KLF8: variants seen among roughly 807,000 people sequenced by gnomAD.
KLF8 encodes Krueppel-like factor 8.
KLF8 carries 10 observed loss-of-function variants against 18.2 expected under a neutral mutation model. The observed-to-expected ratio is 0.55, with a 90% CI of 0.34 to 0.93. The LOEUF (loss-of-function observed/expected upper bound fraction) is 0.93, where lower values mean the gene tolerates loss of function less well. KLF8 is among the 40% of genes least tolerant of loss of function. The probability of loss-of-function intolerance (pLI) is 0.02; values close to 1 mark genes in which losing one functional copy is unlikely to be tolerated. For synonymous variants in KLF8, 109 were observed against 97.3 expected, an observed-to-expected ratio of 1.12 and a Z score of -0.71; for missense variants, 264 against 277.9, an observed-to-expected ratio of 0.95 and a Z score of 0.36.
the KLF8 span, among the ~76,000 whole-genome samples, chrX:56,079,781 C>A: frequency 9.1e-6 from 1 of 109,763 alleles, no homozygotes; most frequent in African/African-American, 3.3e-5. Context: ...GTGTGGGAGT[C>A]TAAGTCTCTT....
chrX:56,043,948 C>G, the KLF8 span, among the ~76,000 whole-genome samples: 1 of 112,369 alleles, frequency 8.9e-6, no homozygotes, highest in African/African-American at 3.2e-5. Flanking sequence ...TATCTGCCTT[C>G]TATCTTTGAG....
chrX:56,024,737 A>G, the KLF8 span, among the ~76,000 whole-genome samples: 1 of 111,778 alleles, frequency 8.9e-6, no homozygotes, highest in Non-Finnish European at 1.9e-5. Flanking sequence ...CTTCCATACA[A>G]TGTCTGGAAT....
the KLF8 span, among the ~76,000 whole-genome samples, chrX:56,134,509 C>A: frequency 8.9e-6 from 1 of 111,785 alleles, no homozygotes; most frequent in Admixed American, 9.5e-5. Context: ...AAAATCAAGT[C>A]ATGATGGATC....
the KLF8 span, among the ~76,000 whole-genome samples, chrX:55,966,348 C>T: frequency 1.3e-3 from 144 of 112,271 alleles, no homozygotes; most frequent in African/African-American, 4.3e-3. Context: ...CCAGCACAGA[C>T]GCAATGATGG....
the KLF8 span, among the ~76,000 whole-genome samples, chrX:55,917,958 C>T: frequency 8.9e-6 from 1 of 111,942 alleles, no homozygotes; most frequent in African/African-American, 3.2e-5. Context: ...GAGCCCTTGC[C>T]TTTAAGTACT....
chrX:55,977,807 C>T, the KLF8 span, among the ~76,000 whole-genome samples: 121 of 110,952 alleles, frequency 1.1e-3, no homozygotes, highest in African/African-American at 3.8e-3. Flanking sequence ...TTGTGGGAGA[C>T]GAGAGTAGAA....
the KLF8 span, among the ~76,000 whole-genome samples, chrX:56,006,493 G>T: frequency 8.9e-6 from 1 of 112,137 alleles, no homozygotes; most frequent in Non-Finnish European, 1.9e-5. Flanking sequence ...TCTGATGTCT[G>T]TTTCTTGATG....
At chrX:55,940,562 C>A in the KLF8 span, among the ~76,000 whole-genome samples, 10 of 111,486 alleles carry the variant, frequency 9.0e-5, no homozygotes, top group East Asian at 2.8e-3. Context: ...AAAGGACATT[C>A]AATTAGGAAA....
chrX:56,096,504 A>G, the KLF8 span, among the ~76,000 whole-genome samples: 3 of 111,829 alleles, frequency 2.7e-5, no homozygotes, highest in South Asian at 1.1e-3. Context: ...GAAAATGAAA[A>G]TACAAATTAT....
the KLF8 span, among the ~76,000 whole-genome samples, chrX:56,095,614 A>G: frequency 8.9e-6 from 1 of 112,238 alleles, no homozygotes; most frequent in Non-Finnish European, 1.9e-5. Flanking sequence ...CAGGAAAAAA[A>G]CAAATAATAT....
At chrX:55,941,584 A>G in the KLF8 span, among the ~76,000 whole-genome samples, 2 of 111,979 alleles carry the variant, frequency 1.8e-5, no homozygotes, top group African/African-American at 6.5e-5. Context: ...TGAACAGGCA[A>G]CCTACAGAAT....
At chrX:56,135,689 T>G in the KLF8 span, among the ~76,000 whole-genome samples, 1 of 110,591 alleles carries the variant, frequency 9.0e-6, no homozygotes, top group Non-Finnish European at 1.9e-5. Flanking sequence ...ACCCTAAAAC[T>G]TAAAGTATAA....
intron 1 of KLF8, 56 bp downstream of exon 1, chrX:56,233,397 A>G (rs745487655): frequency 2.7e-5 from 25 of 928,967 alleles, no homozygotes; most frequent in Non-Finnish European, 3.9e-5. Context: ...TCTAGATTCT[A>G]TCCCCCTCCC....
At chrX:56,056,250 T>C in the KLF8 span, among the ~76,000 whole-genome samples, 2 of 110,939 alleles carry the variant, frequency 1.8e-5, no homozygotes, top group African/African-American at 6.6e-5. Context: ...GATTTTTTTC[T>C]TGTATTTTAT....
the KLF8 span, among the ~76,000 whole-genome samples, chrX:55,984,975 C>A: frequency 3.9e-5 from 4 of 102,504 alleles, no homozygotes; most frequent in Admixed American, 1.1e-4. Flanking sequence ...GGATTGTTTG[C>A]TTTTTTTTTT....
At chrX:56,173,470 G>A in the KLF8 span, among the ~76,000 whole-genome samples, 1 of 111,445 alleles carries the variant, frequency 9.0e-6, no homozygotes, top group Non-Finnish European at 1.9e-5. Context: ...CTCTGTTTTG[G>A]TACCAGTACC....
At chrX:56,106,667 T>C in the KLF8 span, among the ~76,000 whole-genome samples, 370 of 112,119 alleles carry the variant, frequency 3.3e-3, no homozygotes, top group African/African-American at 0.012. Context: ...CATGTTCCTT[T>C]AGCTCATAGA....
the KLF8 span, among the ~76,000 whole-genome samples, chrX:55,938,501 C>G: frequency 1.8e-5 from 2 of 111,509 alleles, no homozygotes; most frequent in African/African-American, 3.3e-5. Context: ...ATCATAATGA[C>G]AGGATCAAAA....
chrX:55,989,933 G>A, the KLF8 span, among the ~76,000 whole-genome samples: 3 of 111,304 alleles, frequency 2.7e-5, no homozygotes, highest in East Asian at 5.6e-4. Context: ...TAGTCTTGGG[G>A]GGGTGTATGT....
Sources: gnomAD v4.1 joint callset for allele counts (sites outside exome capture counted in the v4.1 genomes callset) on GRCh38, gnomAD v4.1.1 for gene constraint, MANE v1.5 for transcripts, NCBI Gene and HGNC (gene_info 2026-07-23, HGNC 2026-07-21) for gene names.